FPR3: variants seen among roughly 807,000 people sequenced by gnomAD.
FPR3 encodes formyl peptide receptor 3, also known as N-formyl peptide receptor 3.
For synonymous variants in FPR3, 135 were observed against 163.6 expected, an observed-to-expected ratio of 0.83 and a Z score of 1.34; for missense variants, 346 against 443.2, an observed-to-expected ratio of 0.78 and a Z score of 1.97.
At chr19:51,804,709 A>G (rs2122420154) in intron 1 of FPR3, 1 of 152,262 alleles carries the variant, frequency 6.6e-6, no homozygotes, top group East Asian at 1.9e-4. Context: ...CGAGCACCCG[A>G]TTCTGTGGCT....
At chr19:51,806,416 T>C (rs1467574293) in intron 1 of FPR3, among the ~76,000 whole-genome samples, 8 of 152,244 alleles carry the variant, frequency 5.3e-5, no homozygotes, top group Non-Finnish European at 1.2e-4. Context: ...TCTTTTCCTC[T>C]AACACTTGCC....
At chr19:51,823,616 C>A in intron 1 of FPR3, 123 bp from the exon 2 acceptor site, 1 of 735,282 alleles carries the variant, frequency 1.4e-6, no homozygotes, top group Non-Finnish European at 2.2e-6. Context: ...ATGTTATAAC[C>A]ATTCACAAGG....
chr19:51,816,129 GA>G (rs1053416760), intron 1 of FPR3, among the ~76,000 whole-genome samples: 2 of 151,838 alleles, frequency 1.3e-5, no homozygotes, highest in African/African-American at 4.8e-5. Flanking sequence ...TGAACACAAA[GA>G]GGTGCCGGAA....
chr19:51,801,317 A>G (rs777906488), intron 1 of FPR3, among the ~76,000 whole-genome samples: 1 of 152,018 alleles, frequency 6.6e-6, no homozygotes, highest in Non-Finnish European at 1.5e-5. Flanking sequence ...TATATAATAG[A>G]TAAATTATGT....
intron 1 of FPR3, among the ~76,000 whole-genome samples, chr19:51,812,962 A>C (rs1338475496): frequency 6.6e-6 from 1 of 152,050 alleles, no homozygotes; most frequent in East Asian, 1.9e-4. Context: ...CTCTACCCAA[A>C]AATACAAAAA....
intron 1 of FPR3, among the ~76,000 whole-genome samples, chr19:51,815,048 G>A (rs1003456729): frequency 9.2e-5 from 14 of 152,034 alleles, no homozygotes; most frequent in African/African-American, 3.1e-4. Flanking sequence ...GACCTCAAAT[G>A]ATCCGCCCAC....
At position 51,823,760 on chromosome 19, in the gene FPR3, C is replaced by T. The variant is rs1368656917; in HGVS notation, c.12C>T (p.Asn4=). The T allele has an allele frequency of 1.3e-6, 2 of 1,584,780 alleles. No individual in the cohort carries two copies. Among genetic ancestry groups the T allele is most frequent in the Admixed American group, 1.8e-5 (1 of 55,738 alleles). Reference sequence around the variant, plus strand: ...TCAGGTGTGGGAAGATGGAAACCAACTTCTCCATTCCTCTGAATGAAACTG... The same window carrying T: ...TCAGGTGTGGGAAGATGGAAACCAATTTCTCCATTCCTCTGAATGAAACTG... MET[N]FSIPLNETEE... Residue 4 remains asparagine, a synonymous_variant, in exon 2 of 2, where the codon AAC becomes AAT. Transcript: ENST00000339223.
chr19:51,808,530 A>G (rs1361039571), intron 1 of FPR3, among the ~76,000 whole-genome samples: 1 of 152,240 alleles, frequency 6.6e-6, no homozygotes, highest in Non-Finnish European at 1.5e-5. Flanking sequence ...ATGCTGACAT[A>G]GCGTAAGACT....
At chr19:51,806,264 A>G (rs977096385) in intron 1 of FPR3, among the ~76,000 whole-genome samples, 2 of 152,130 alleles carry the variant, frequency 1.3e-5, no homozygotes, top group African/African-American at 4.8e-5. Context: ...CCAGGGTTGC[A>G]AGCACCTTGA....
chr19:51,803,201 ATCC>A (rs979262520), intron 1 of FPR3, among the ~76,000 whole-genome samples: 2 of 149,918 alleles, frequency 1.3e-5, no homozygotes, highest in Non-Finnish European at 3.0e-5. Flanking sequence ...GTAAATTCTC[ATCC>A]TCATGTGCGC....
chr19:51,809,619 C>T (rs1225668884), intron 1 of FPR3, among the ~76,000 whole-genome samples: 2 of 152,184 alleles, frequency 1.3e-5, no homozygotes, highest in African/African-American at 4.8e-5. Context: ...ACTTGAATTT[C>T]TCCTTCATAA....
rs555696218 is a variant in FPR3 at position 51,818,218 on chromosome 19, C to T, written c.-10-5521C>T. Among the ~76,000 whole-genome samples the T allele has an allele frequency of 7.2e-5, 11 of 152,188 alleles. No homozygotes were observed. In the South Asian group the frequency reaches 2.1e-3, roughly 29 times the overall value. ...TAAGACTTAGTATGAAAAAAGAACG[C>T]CATGTATCTCATTAATAATTTTTAT... On this transcript the variant is annotated intron_variant, in intron 1 of 1. Coordinates refer to ENST00000339223, the MANE Select transcript of FPR3 (RefSeq NM_002030.5).
At chr19:51,802,785 C>T (rs142654856) in intron 1 of FPR3, among the ~76,000 whole-genome samples, 7 of 152,230 alleles carry the variant, frequency 4.6e-5, no homozygotes, top group African/African-American at 1.7e-4. Context: ...TCTTCTATTG[C>T]TTAAATTATG....
chr19:51,821,644 T>C (rs763283090), intron 1 of FPR3, among the ~76,000 whole-genome samples: 5 of 152,196 alleles, frequency 3.3e-5, no homozygotes, highest in African/African-American at 7.2e-5. Context: ...TACTAGGGTA[T>C]GACCACATGC....
intron 1 of FPR3, among the ~76,000 whole-genome samples, chr19:51,819,362 A>G (rs1373882779): frequency 6.6e-6 from 1 of 152,232 alleles, no homozygotes; most frequent in Non-Finnish European, 1.5e-5. Flanking sequence ...ACTGAATGAT[A>G]TCACCTATAG....
chr19:51,796,930 T>A (rs535968276), intron 1 of FPR3, among the ~76,000 whole-genome samples: 1 of 152,294 alleles, frequency 6.6e-6, no homozygotes, highest in African/African-American at 2.4e-5. Context: ...GACTGGATGA[T>A]ATCATTTATA....
chr19:51,809,411 TTTA>T (rs1234548588), intron 1 of FPR3, among the ~76,000 whole-genome samples: 2 of 152,214 alleles, frequency 1.3e-5, no homozygotes, highest in African/African-American at 4.8e-5. Context: ...ATTTCTTTCC[TTTA>T]ATGTGTACTA....
At chr19:51,822,940 G>C (rs989819439) in intron 1 of FPR3, among the ~76,000 whole-genome samples, 6 of 152,084 alleles carry the variant, frequency 3.9e-5, no homozygotes, top group Non-Finnish European at 8.8e-5. Flanking sequence ...TTGGCTCACT[G>C]CAACCTCTGC....
intron 1 of FPR3, among the ~76,000 whole-genome samples, chr19:51,807,149 T>C (rs2084064817): frequency 6.6e-6 from 1 of 152,180 alleles, no homozygotes; most frequent in Admixed American, 6.5e-5. Context: ...AGCTTGCCTC[T>C]AGTGGACAAT....
Sources: gnomAD v4.1 joint callset for allele counts (sites outside exome capture counted in the v4.1 genomes callset) on GRCh38, gnomAD v4.1.1 for gene constraint, MANE v1.5 for transcripts, NCBI Gene and HGNC (gene_info 2026-07-23, HGNC 2026-07-21) for gene names.